Variants in CEP70 observed in about 807,000 individuals in gnomAD.
CEP70 encodes the protein centrosomal protein of 70 kDa.
CEP70 carries 70 observed loss-of-function variants against 90.9 expected under a neutral mutation model. The ratio of observed to expected loss-of-function variants is 0.77; its 90% CI spans 0.64 to 0.94. The LOEUF (loss-of-function observed/expected upper bound fraction) is 0.94. Ranked by LOEUF, CEP70 falls within the 40% of genes least tolerant of loss-of-function variation. The pLI, the probability that CEP70 is intolerant of heterozygous loss-of-function variation, is 0.00. For missense variants in CEP70, 648 were observed against 669.0 expected (o/e 0.97, Z 0.35); for synonymous variants, 220 against 228.3 (o/e 0.96, Z 0.33).
chr3:138,498,110 G>A lies in CEP70; in HGVS notation c.1653C>T (p.Ser551=), dbSNP rs781183839. 1.2e-6 allele frequency: 2 copies of A among 1,611,112 alleles called. No individual in the cohort carries two copies. The highest frequency in any genetic ancestry group is 1.7e-6 in the Non-Finnish European group (2 of 1,178,512). The change falls in exon 17 of 18, where the codon AGC becomes AGT. Residue 551 remains serine (S), a splice_region_variant and synonymous_variant. Coordinates refer to ENST00000264982, the MANE Select transcript of CEP70 (RefSeq NM_024491.4). ...MQVLGPEDLQ[S]IIYKLEEHEE... is the part of the protein sequence containing the mutation. Reference sequence around the variant, plus strand: ...CGTGTTCTTCCAATTTGTAGATAATGCTGTTTAAAAAATGCACAATTTAAA... The same window carrying A: ...CGTGTTCTTCCAATTTGTAGATAATACTGTTTAAAAAATGCACAATTTAAA...
chr3:138,514,151 G>C (rs1327867801), intron 11 of CEP70, among the ~76,000 whole-genome samples: 1 of 152,030 alleles, frequency 6.6e-6, no homozygotes, highest in Non-Finnish European at 1.5e-5. Context: ...TCTTTCTTGG[G>C]GGCTTTGGAA....
At position 138,529,201 on chromosome 3, in the gene CEP70, G is replaced by A. The variant is rs1418967294; in HGVS notation, c.867C>T (p.Thr289=). 6 of 1,576,666 alleles carry A rather than the reference G, an allele frequency of 3.8e-6. No homozygotes were observed. Among genetic ancestry groups the A allele is most frequent in the Non-Finnish European group, 5.2e-6 (6 of 1,160,798 alleles). The change falls in exon 10 of 18, where the codon ACC becomes ACT. Residue 289 remains threonine (T), a splice_region_variant and synonymous_variant. Transcript: ENST00000264982. ...AAAAAAAATTAAGTTTCTCTCACCT[G>A]GTTTCCAAATCTTTTTGGAGGTTCA... is the stretch of plus-strand genomic sequence containing the variant. The part of the protein sequence containing the change: ...EKLNLQKDLE[T]RPTQHELRLY...
intron 2 of CEP70, among the ~76,000 whole-genome samples, chr3:138,580,223 C>T (rs2041780620): frequency 6.6e-6 from 1 of 152,140 alleles, no homozygotes; most frequent in Non-Finnish European, 1.5e-5. Flanking sequence ...TCCAAGGATT[C>T]TGATTCCAGG....
In CEP70 at chr3:138,571,328, T is replaced by A. The variant is rs183428995; in HGVS notation, c.98A>T (p.Asn33Ile). ...QQEEAEWESI[N>I]VLLMMHGLKP... is the part of the protein sequence containing the mutation. Reference sequence around the variant, plus strand: ...TAAGCCATGCATCATCAATAGCACATTTATGCTTTCCCATTCTGCTTCTTC... The same window carrying A: ...TAAGCCATGCATCATCAATAGCACAATTATGCTTTCCCATTCTGCTTCTTC... The change falls in exon 4 of 18, where the codon AAT becomes ATT. Residue 33 changes from asparagine (N) to isoleucine (I), a missense_variant. Transcript: ENST00000264982. 1.0e-4 allele frequency: 167 copies of A among 1,610,656 alleles called. 1 individual carries two copies. In the East Asian group the frequency reaches 3.1e-3, roughly 30 times the overall value.
At chr3:138,531,628 A>G (rs2107770783) in intron 8 of CEP70, 1 of 152,224 alleles carries the variant, frequency 6.6e-6, no homozygotes, top group East Asian at 1.9e-4. Flanking sequence ...TGCTTTCTGA[A>G]AAGAACATAA....
rs1437187731 is a variant in CEP70 at position 138,500,196 on chromosome 3, T to TAA, written c.1565_1566insTT (p.Ser523Ter). The TAA allele has an allele frequency of 6.2e-7, 1 of 1,612,810 alleles. No homozygotes were observed. Among genetic ancestry groups the TAA allele is most frequent in the Admixed American group, 1.7e-5 (1 of 60,026 alleles). On this transcript the variant is annotated frameshift_variant, in exon 16 of 18. Coordinates refer to ENST00000264982, the MANE Select transcript of CEP70 (RefSeq NM_024491.4). LOFTEE classifies it high-confidence loss of function. The stretch of plus-strand genomic sequence containing the variant: ...GCCTACAGAGTTTTCCAACAGTGCT[T>TAA]ACTAGCACACACAATGAGGATGAAC...
chr3:138,588,695 A>G (rs1364719594), intron 2 of CEP70, among the ~76,000 whole-genome samples: 1 of 152,248 alleles, frequency 6.6e-6, no homozygotes, highest in Non-Finnish European at 1.5e-5. Flanking sequence ...AAGGTTAATA[A>G]GCACTTACCA....
intron 6 of CEP70, among the ~76,000 whole-genome samples, chr3:138,566,899 T>C (rs997331554): frequency 6.6e-6 from 1 of 152,096 alleles, no homozygotes; most frequent in Non-Finnish European, 1.5e-5. Context: ...ACTGAAAGCA[T>C]ATGTCCACAC....
intron 2 of CEP70, among the ~76,000 whole-genome samples, chr3:138,581,281 CA>C (rs549088013): frequency 0.016 from 980 of 60,210 alleles, 6 homozygotes; most frequent in African/African-American, 0.047. Context: ...GACTCCATCT[CA>C]AAAAAAAAAA....
intron 6 of CEP70, among the ~76,000 whole-genome samples, chr3:138,545,555 ACAAGGAAAGACAAC>A (rs2039120962): frequency 6.6e-6 from 1 of 152,210 alleles, no homozygotes; most frequent in African/African-American, 2.4e-5. Context: ...TTTTCAGGGA[ACAAGGAAAGACAAC>A]CATAAGGTCT....
chr3:138,496,285 CAT>C (rs2033951985), intron 17 of CEP70: 3 of 985,336 alleles, frequency 3.0e-6, no homozygotes, highest in African/African-American at 1.7e-5. Context: ...AGCCTACACA[CAT>C]AGCCCATGCT....
intron 11 of CEP70, among the ~76,000 whole-genome samples, chr3:138,508,795 G>A (rs952101539): frequency 6.6e-6 from 1 of 151,370 alleles, no homozygotes; most frequent in Non-Finnish European, 1.5e-5. Context: ...GTGCAGTGGC[G>A]CAATCTCGGC....
intron 16 of CEP70, among the ~76,000 whole-genome samples, chr3:138,498,719 T>C (rs1030807609): frequency 2.0e-5 from 3 of 152,136 alleles, no homozygotes; most frequent in African/African-American, 7.2e-5. Context: ...CTAAAAATAA[T>C]TGGCTTTTAC....
intron 6 of CEP70, among the ~76,000 whole-genome samples, chr3:138,554,105 G>A (rs2039821537): frequency 6.6e-6 from 1 of 151,816 alleles, no homozygotes; most frequent in Non-Finnish European, 1.5e-5. Flanking sequence ...GGAGACTGAG[G>A]CAGGAGAATC....
intron 11 of CEP70, among the ~76,000 whole-genome samples, chr3:138,514,523 C>T (rs1007684822): frequency 6.6e-6 from 1 of 151,972 alleles, no homozygotes; most frequent in African/African-American, 2.4e-5. Flanking sequence ...AATTATTTCC[C>T]CAGCATCAGT....
At chr3:138,544,765 G>A (rs556130207) in intron 6 of CEP70, among the ~76,000 whole-genome samples, 58 of 152,256 alleles carry the variant, frequency 3.8e-4, no homozygotes, top group African/African-American at 1.4e-3. Context: ...CAGCTACATG[G>A]ATGAAAATGG....
chr3:138,521,610 G>T (rs570025448), intron 11 of CEP70, among the ~76,000 whole-genome samples: 1 of 147,968 alleles, frequency 6.8e-6, no homozygotes, highest in Admixed American at 6.7e-5. Context: ...CTACCTGGCC[G>T]CCACCCCATC....
Position 138,521,168 on chromosome 3 carries a change from C to A in CEP70, c.944+4322G>T, listed in dbSNP as rs1327463045. 2.6e-5 allele frequency among the ~76,000 whole-genome samples: 4 copies of A among 152,310 alleles called. No individual in the cohort carries two copies. In the East Asian group the frequency reaches 7.8e-4, roughly 30 times the overall value. On this transcript the variant is annotated intron_variant, in intron 11 of 17. Coordinates refer to ENST00000264982, the MANE Select transcript of CEP70 (RefSeq NM_024491.4). ...GATCTCGGCTCGCTACAACCTCCAC[C>A]TCCCAGCCGCCTGCCTTGGCCTCCC...
rs2037575332 is a variant in CEP70, at chr3:138,529,183, A to T, written c.869+16T>A. Reference sequence around the variant, plus strand: ...CTGTCTCAGGAAAAAAAAAAAAAAAATTAAGTTTCTCTCACCTGGTTTCCA... The same window carrying T: ...CTGTCTCAGGAAAAAAAAAAAAAAATTTAAGTTTCTCTCACCTGGTTTCCA... On this transcript the variant is annotated intron_variant, in intron 10 of 17. Transcript: ENST00000264982. The T allele has an allele frequency of 6.5e-7, 1 of 1,529,272 alleles. No individual in the cohort carries two copies. The highest frequency in any genetic ancestry group is 8.9e-7 in the Non-Finnish European group (1 of 1,120,514). The allele number at this position is 1,529,272 out of a possible 1,614,324, so 94.7% of individuals were successfully genotyped here. A position where few individuals can be genotyped will look rare whatever the true frequency, so the allele number is the denominator to read the frequency against.
Sources: gnomAD v4.1 joint callset for allele counts (sites outside exome capture counted in the v4.1 genomes callset) on GRCh38, gnomAD v4.1.1 for gene constraint, MANE v1.5 for transcripts, NCBI Gene and HGNC (gene_info 2026-07-23, HGNC 2026-07-21) for gene names.